The following B3GNT3 variants were observed in gnomAD, a reference collection of about 807,000 sequenced individuals.
The protein encoded by B3GNT3 is N-acetyllactosaminide beta-1,3-N-acetylglucosaminyltransferase 3.
A neutral mutation model predicts 11.6 loss-of-function variants in B3GNT3; 7 were observed. That is an observed-to-expected ratio of 0.60 (90% CI 0.34 to 1.13). B3GNT3 has a LOEUF of 1.13. Ranked by LOEUF, B3GNT3 falls within the 50% of genes most tolerant of loss-of-function variation. The pLI is 0.03. For synonymous variants in B3GNT3, 201 were observed against 222.1 expected, an observed-to-expected ratio of 0.90 and a Z score of 0.85; for missense variants, 400 against 507.4, an observed-to-expected ratio of 0.79 and a Z score of 2.03.
rs2094175189 is a variant in B3GNT3, at chr19:17,807,842, C to T, written c.35C>T (p.Thr12Ile). 3 of 1,612,918 alleles carry T rather than the reference C, an allele frequency of 1.9e-6. No homozygotes were observed. In the East Asian group the frequency reaches 6.7e-5, roughly 36 times the overall value. ...KYLRHRRPNA[T>I]LILAIGAFTL... ...CTCCGGCACCGGCGGCCCAATGCCA[C>T]CCTCATTCTGGCCATCGGCGCTTTC... is the stretch of plus-strand genomic sequence containing the variant. Residue 12 changes from threonine to isoleucine, a missense_variant, in exon 2 of 3, where the codon ACC becomes ATC. Transcript: ENST00000318683.
intron 1 of B3GNT3, among the ~76,000 whole-genome samples, chr19:17,799,933 A>C (rs2094164051): frequency 6.6e-6 from 1 of 152,164 alleles, no homozygotes; most frequent in African/African-American, 2.4e-5. Context: ...AGTCAGTGTC[A>C]GGACATCCCC....
chr19:17,798,159 AC>A (rs1269315742), intron 1 of B3GNT3, among the ~76,000 whole-genome samples: 1 of 151,874 alleles, frequency 6.6e-6, no homozygotes, highest in East Asian at 1.9e-4. Flanking sequence ...GAGTTTCTTC[AC>A]CCCTAGAGGT....
intron 1 of B3GNT3, among the ~76,000 whole-genome samples, chr19:17,805,843 G>A (rs969634624): frequency 2.0e-5 from 3 of 152,026 alleles, no homozygotes; most frequent in African/African-American, 4.8e-5. Context: ...TGTTGCCCAG[G>A]CTGGAGTGCA....
intron 2 of B3GNT3, among the ~76,000 whole-genome samples, chr19:17,809,903 C>G (rs941146486): frequency 2.0e-4 from 30 of 152,128 alleles, no homozygotes; most frequent in African/African-American, 7.0e-4. Flanking sequence ...ACAGGGAACT[C>G]TGCAGGTTCC....
Position 17,811,176 on chromosome 19 carries a change from T to C in B3GNT3, c.568-395T>C, listed in dbSNP as rs1441224226. On this transcript the variant is annotated intron_variant, in intron 2 of 2. Coordinates refer to ENST00000318683, the MANE Select transcript of B3GNT3 (RefSeq NM_014256.4). The surrounding 1 kb of genome is among the most constrained non-coding windows in gnomAD (Gnocchi z 4.1). The stretch of plus-strand genomic sequence containing the variant: ...CTGCAATGAACTATGATCATAGCGC[T>C]ACACTCTAGCCTGGGCAATAGAGCA... 6.6e-6 allele frequency among the ~76,000 whole-genome samples: 1 copy of C among 152,198 alleles called. No individual in the cohort carries two copies. The highest frequency in any genetic ancestry group is 6.5e-5 in the Admixed American group (1 of 15,274).
chr19:17,813,144 A>G lies in B3GNT3; in HGVS notation c.*1022A>G, dbSNP rs549116824. The G allele has an allele frequency of 2.6e-5, 4 of 152,076 alleles. No homozygotes were observed. Among genetic ancestry groups the G allele is most frequent in the African/African-American group, 9.6e-5 (4 of 41,502 alleles). 9.4% of individuals were successfully genotyped at this position (152,076 alleles called of 1,614,324 possible). A position where few individuals can be genotyped will look rare whatever the true frequency, so the allele number is the denominator to read the frequency against. ...AACAGACAAGTCCACATTCATCCCT[A>G]AAAGTCTCATTTTCCAGTAGAAAAT... On this transcript the variant is annotated 3_prime_UTR_variant, in exon 3 of 3. Coordinates refer to ENST00000318683, the MANE Select transcript of B3GNT3 (RefSeq NM_014256.4).
In B3GNT3 at chr19:17,803,134, T is replaced by G. The variant is rs189943266; in HGVS notation, c.-50-4624T>G. On this transcript the variant is annotated intron_variant, in intron 1 of 2. Transcript: ENST00000318683. The stretch of plus-strand genomic sequence containing the variant: ...GATTCTCCTGCCTCAGCCTCCTGAG[T>G]AGCTGGGATTACAGGCGTGTGCCAC... 1.8e-3 allele frequency among the ~76,000 whole-genome samples: 269 copies of G among 152,120 alleles called. 2 individuals are homozygous for G. The highest frequency in any genetic ancestry group is 7.5e-4 in the Non-Finnish European group (51 of 67,998).
At chr19:17,806,648 G>A (rs1599847378) in intron 1 of B3GNT3, among the ~76,000 whole-genome samples, 1 of 152,190 alleles carries the variant, frequency 6.6e-6, no homozygotes, top group East Asian at 1.9e-4. Flanking sequence ...TGGGCATACT[G>A]CACCCATCAA....
chr19:17,808,580 A>T (rs2094176801), intron 2 of B3GNT3, among the ~76,000 whole-genome samples: 1 of 152,168 alleles, frequency 6.6e-6, no homozygotes, highest in South Asian at 2.1e-4. Flanking sequence ...GAGCTAGGTT[A>T]CTAGCACAGA....
chr19:17,808,147 A>AGC lies in B3GNT3; in HGVS notation c.340_341insGC (p.Lys114SerfsTer126). ...GCCGGTCTTCCTGCTGCTGGTGATCAAGTCCTCCCCTAGCAACTATGTGCG... is the reference window on the plus strand; with the variant it reads ...GCCGGTCTTCCTGCTGCTGGTGATCAGCAGTCCTCCCCTAGCAACTATGTGCG... On this transcript the variant is annotated frameshift_variant, in exon 2 of 3. Transcript: ENST00000318683. LOFTEE classifies it high-confidence loss of function. 1.2e-6 allele frequency: 2 copies of AGC among 1,613,440 alleles called. No homozygotes were observed. Among genetic ancestry groups the AGC allele is most frequent in the South Asian group, 2.2e-5 (2 of 91,030 alleles).
rs2147653174 is a variant in B3GNT3, at chr19:17,808,146, C to G, written c.339C>G (p.Ile113Met). ...CAQPVFLLLV[I>M]KSSPSNYVRR... ...AGCCGGTCTTCCTGCTGCTGGTGAT[C>G]AAGTCCTCCCCTAGCAACTATGTGC... Residue 113 changes from isoleucine (I) to methionine (M), a missense_variant, in exon 2 of 3, where the codon ATC becomes ATG. Transcript: ENST00000318683. 6.2e-7 allele frequency: 1 copy of G among 1,613,492 alleles called. No homozygotes were observed. The highest frequency in any genetic ancestry group is 2.2e-5 in the East Asian group (1 of 44,856).
chr19:17,796,176 A>T (rs2147643410), intron 1 of B3GNT3, among the ~76,000 whole-genome samples: 1 of 152,174 alleles, frequency 6.6e-6, no homozygotes, highest in African/African-American at 2.4e-5. Flanking sequence ...CTGCAGCCTC[A>T]ACCTCCTGGG....
intron 1 of B3GNT3, among the ~76,000 whole-genome samples, chr19:17,799,880 G>C (rs899720415): frequency 1.3e-5 from 2 of 152,102 alleles, no homozygotes; most frequent in Non-Finnish European, 2.9e-5. Flanking sequence ...TGGAAAGTGG[G>C]AGTTTCACAG....
chr19:17,811,526 T>G lies in B3GNT3; in HGVS notation c.568-45T>G, dbSNP rs1339320795. 6.4e-7 allele frequency: 1 copy of G among 1,553,114 alleles called. No individual in the cohort carries two copies. The highest frequency in any genetic ancestry group is 1.2e-5 in the South Asian group (1 of 81,254). ...TGGCTAATAGAGACCCAAGGCCAAT[T>G]TCTCCAGCCCTCAAGCAAGCATGCC... is the stretch of plus-strand genomic sequence containing the variant. On this transcript the variant is annotated intron_variant, in intron 2 of 2. Transcript: ENST00000318683. The surrounding 1 kb of genome is among the most constrained non-coding windows in gnomAD (Gnocchi z 4.1).
At chr19:17,806,961 A>AAG (rs1395415955) in intron 1 of B3GNT3, among the ~76,000 whole-genome samples, 1 of 151,146 alleles carries the variant, frequency 6.6e-6, no homozygotes, top group Non-Finnish European at 1.5e-5. Context: ...AAAAAAAAAA[A>AAG]AAAGTCCTGG....
chr19:17,810,747 G>A (rs2094179577), intron 2 of B3GNT3, among the ~76,000 whole-genome samples: 1 of 151,880 alleles, frequency 6.6e-6, no homozygotes, highest in Admixed American at 6.6e-5. Context: ...CAGGTGTGGT[G>A]GTGCATGCCT....
At chr19:17,798,887 T>C (rs2094162509) in intron 1 of B3GNT3, among the ~76,000 whole-genome samples, 1 of 151,976 alleles carries the variant, frequency 6.6e-6, no homozygotes, top group Non-Finnish European at 1.5e-5. Context: ...AGAGGATCAG[T>C]TGAGCCCTGG....
rs1442496997 is a variant in B3GNT3, at chr19:17,811,188, T to C, written c.568-383T>C. Among the ~76,000 whole-genome samples the C allele has an allele frequency of 6.6e-6, 1 of 152,322 alleles. No homozygotes were observed. Among genetic ancestry groups the C allele is most frequent in the African/African-American group, 2.4e-5 (1 of 41,576 alleles). On this transcript the variant is annotated intron_variant, in intron 2 of 2. Transcript: ENST00000318683. The surrounding 1 kb of genome is among the most constrained non-coding windows in gnomAD (Gnocchi z 4.1). ...ATGATCATAGCGCTACACTCTAGCC[T>C]GGGCAATAGAGCAAGACCCTGTCTC...
At position 17,807,986 on chromosome 19, in the gene B3GNT3, C is replaced by T. The variant is rs377004909; in HGVS notation, c.179C>T (p.Pro60Leu). The T allele has an allele frequency of 1.3e-6, 2 of 1,585,932 alleles. No individual in the cohort carries two copies. Among genetic ancestry groups the T allele is most frequent in the African/African-American group, 2.7e-5 (2 of 74,028 alleles). The change falls in exon 2 of 3, where the codon CCG becomes CTG. Residue 60 changes from proline (P) to leucine (L), a missense_variant. Physicochemically the swap from Pro to Leu is moderately conservative, Grantham distance 98. Coordinates refer to ENST00000318683, the MANE Select transcript of B3GNT3 (RefSeq NM_014256.4). The stretch of plus-strand genomic sequence containing the variant: ...CCACCCACCCGCCCAGCCCCGGCCC[C>T]GTGCCATGCCAACACCTCTATGGTC... ...PTPPTRPAPA[P>L]CHANTSMVTH...
Sources: allele counts gnomAD v4.1 joint callset (sites outside exome capture counted in the v4.1 genomes callset), GRCh38; gene constraint gnomAD v4.1.1; non-coding constraint Gnocchi (gnomAD v3.1); transcripts MANE v1.5; gene names NCBI Gene and HGNC (gene_info 2026-07-23, HGNC 2026-07-21).